The following EXT1 variants were observed in gnomAD, a reference collection of about 807,000 sequenced individuals.
The protein encoded by EXT1 is exostosin glycosyltransferase 1, also known as exostosin-1.
A neutral mutation model predicts 82.5 loss-of-function variants in EXT1; 20 were observed. The observed-to-expected ratio is 0.24, with a 90% CI of 0.17 to 0.35. The LOEUF (loss-of-function observed/expected upper bound fraction) is 0.35, where lower values mean the gene tolerates loss of function less well. Ranked by LOEUF, EXT1 falls within the 10% of genes least tolerant of loss-of-function variation. EXT1 has a pLI of 1.00. For missense variants in EXT1, 757 were observed against 936.5 expected (o/e 0.81, Z 2.50); for synonymous variants, 348 against 350.8 (o/e 0.99, Z 0.09).
At chr8:117,907,179 TC>T (rs963010836) in intron 1 of EXT1, among the ~76,000 whole-genome samples, 44 of 152,364 alleles carry the variant, frequency 2.9e-4, no homozygotes, top group African/African-American at 1.0e-3. Context: ...TCTACTAATA[TC>T]CTGATTATTC....
intron 1 of EXT1, among the ~76,000 whole-genome samples, chr8:118,073,705 A>AAGAGAAGAGAAGAGAAGAGG (rs1432260667): frequency 0.01 from 1,076 of 102,766 alleles, 95 homozygotes; most frequent in African/African-American, 0.032. Flanking sequence ...AAGAGAAGAG[A>AAGAGAAGAGAAGAGAAGAGG]AGCCTCTTAA....
intron 1 of EXT1, among the ~76,000 whole-genome samples, chr8:117,900,685 G>A (rs17475323): frequency 0.05 from 7,606 of 152,262 alleles, 639 homozygotes; most frequent in African/African-American, 0.17. Context: ...CATGGGGCCA[G>A]CCAGAGACCC....
chr8:117,884,856 C>G (rs747955698), intron 1 of EXT1, among the ~76,000 whole-genome samples: 1 of 152,216 alleles, frequency 6.6e-6, no homozygotes, highest in South Asian at 2.1e-4. Flanking sequence ...CTCCAGCTTT[C>G]TGTAGCAGCA....
intron 1 of EXT1, among the ~76,000 whole-genome samples, chr8:117,912,694 T>C (rs1813673371): frequency 6.6e-6 from 1 of 152,198 alleles, no homozygotes; most frequent in Non-Finnish European, 1.5e-5. Flanking sequence ...GATCCCCTAA[T>C]AGTGAATCAT....
At chr8:117,993,592 T>G (rs1815477971) in intron 1 of EXT1, among the ~76,000 whole-genome samples, 1 of 152,200 alleles carries the variant, frequency 6.6e-6, no homozygotes, top group Non-Finnish European at 1.5e-5. Context: ...CAAAGCATAT[T>G]ATTACACAGA....
intron 1 of EXT1, among the ~76,000 whole-genome samples, chr8:118,101,795 G>A (rs1817722814): frequency 6.6e-6 from 1 of 152,230 alleles, no homozygotes; most frequent in South Asian, 2.1e-4. Context: ...CTAAATGGGT[G>A]TTCACCTTAA....
In EXT1 at chr8:118,021,131, T is replaced by C. The variant is rs112757225; in HGVS notation, c.962+88954A>G. On this transcript the variant is annotated intron_variant, in intron 1 of 10. Coordinates refer to ENST00000378204, the MANE Select transcript of EXT1 (RefSeq NM_000127.3). ...CAATAAATCATTTATTGTGCAAATA[T>C]GAACTCTTATTTAAAAAATTTTTAA... is the stretch of plus-strand genomic sequence containing the variant. 1.2e-3 allele frequency among the ~76,000 whole-genome samples: 184 copies of C among 152,338 alleles called. 1 individual carries two copies. Among genetic ancestry groups the C allele is most frequent in the African/African-American group, 4.4e-3 (183 of 41,578 alleles).
At chr8:117,885,494 CAA>C (rs11300586) in intron 1 of EXT1, among the ~76,000 whole-genome samples, 14,248 of 103,648 alleles carry the variant, frequency 0.14, 568 homozygotes, top group South Asian at 0.19. Context: ...AAGTAACAGA[CAA>C]AAAAAAAAAA....
chr8:118,060,996 T>C (rs934744399), intron 1 of EXT1, among the ~76,000 whole-genome samples: 1 of 152,188 alleles, frequency 6.6e-6, no homozygotes, highest in African/African-American at 2.4e-5. Flanking sequence ...TGAAAGGGAT[T>C]TGCAGGCAAA....
chr8:117,898,225 G>T (rs1019955886), intron 1 of EXT1, among the ~76,000 whole-genome samples: 1 of 152,158 alleles, frequency 6.6e-6, no homozygotes, highest in Non-Finnish European at 1.5e-5. Context: ...CATTCTGGGG[G>T]CTTCCAAGAT....
chr8:117,833,335 G>A (rs1812131977), intron 3 of EXT1, among the ~76,000 whole-genome samples: 1 of 152,206 alleles, frequency 6.6e-6, no homozygotes, highest in Non-Finnish European at 1.5e-5. Flanking sequence ...CTGGACAAGT[G>A]GCTGGGCGCG....
intron 1 of EXT1, among the ~76,000 whole-genome samples, chr8:117,858,800 CAAGGCA>C (rs1385519195): frequency 1.4e-5 from 1 of 71,768 alleles, no homozygotes; most frequent in African/African-American, 7.8e-5. Context: ...CAAGGCAAGG[CAAGGCA>C]AGGCAGGAAG....
Position 117,830,211 on chromosome 8 carries a change from G to A in EXT1, c.1284+19C>T, listed in dbSNP as rs774601928. 17 of 1,613,706 alleles carry A rather than the reference G, an allele frequency of 1.1e-5. No homozygotes were observed. The highest frequency in any genetic ancestry group is 3.3e-4 in the Middle Eastern group (2 of 6,058). ...AAAGGACCATTATTCAAGCCCAAGA[G>A]CCAAGTGGTCTCACTTACCTCTAGT... On this transcript the variant is annotated intron_variant, in intron 4 of 10. Coordinates refer to ENST00000378204, the MANE Select transcript of EXT1 (RefSeq NM_000127.3).
intron 1 of EXT1, among the ~76,000 whole-genome samples, chr8:118,030,928 C>A (rs940524337): frequency 6.6e-6 from 1 of 152,198 alleles, no homozygotes; most frequent in Non-Finnish European, 1.5e-5. Context: ...TTCACTCTTA[C>A]GTTTCTAAAG....
At chr8:118,100,478 G>A (rs1035204590) in intron 1 of EXT1, among the ~76,000 whole-genome samples, 3 of 152,116 alleles carry the variant, frequency 2.0e-5, no homozygotes, top group East Asian at 1.9e-4. Flanking sequence ...GGCGGGGTGC[G>A]GAGGCTCACA....
chr8:117,813,362 G>C (rs966978423), intron 7 of EXT1, among the ~76,000 whole-genome samples: 6 of 152,096 alleles, frequency 3.9e-5, no homozygotes, highest in African/African-American at 1.4e-4. Flanking sequence ...CATTTAAGCA[G>C]GACCCTGATG....
rs146895498 is a variant in EXT1, at chr8:117,882,518, C to G, written c.963-45317G>C. Reference sequence around the variant, plus strand: ...GGCTCCTTTCCTCCCCATCCCCATACTAATTCCTAATTCATCTCAGTAAAA... The same window carrying G: ...GGCTCCTTTCCTCCCCATCCCCATAGTAATTCCTAATTCATCTCAGTAAAA... On this transcript the variant is annotated intron_variant, in intron 1 of 10. Transcript: ENST00000378204. Among the ~76,000 whole-genome samples, 301 of 152,320 alleles carry G rather than the reference C, an allele frequency of 2.0e-3. 3 individuals carry two copies. The highest frequency in any genetic ancestry group is 0.013 in the South Asian group (64 of 4,824).
At chr8:118,099,041 C>T (rs1212694367) in intron 1 of EXT1, among the ~76,000 whole-genome samples, 1 of 152,184 alleles carries the variant, frequency 6.6e-6, no homozygotes, top group Non-Finnish European at 1.5e-5. Context: ...AGTTATAAAA[C>T]ACATTACTTC....
chr8:118,019,248 A>AAAGAAAGC (rs1816057361), intron 1 of EXT1, among the ~76,000 whole-genome samples: 1 of 134,942 alleles, frequency 7.4e-6, no homozygotes, highest in Non-Finnish European at 1.5e-5. Context: ...AGTACGATTG[A>AAAGAAAGC]AAGAAAGAAA....
Sources: allele counts gnomAD v4.1 joint callset (sites outside exome capture counted in the v4.1 genomes callset), GRCh38; gene constraint gnomAD v4.1.1; transcripts MANE v1.5; gene names NCBI Gene and HGNC (gene_info 2026-07-23, HGNC 2026-07-21).